Variants in CCDC40 observed in about 807,000 individuals in gnomAD.
CCDC40 encodes the protein coiled-coil domain-containing protein 40.
Under a neutral mutation model 124.5 loss-of-function variants are expected in CCDC40, and 104 were observed. The ratio of observed to expected loss-of-function variants is 0.84; its 90% confidence interval spans 0.71 to 0.98. The LOEUF (loss-of-function observed/expected upper bound fraction) is 0.98, where lower values mean the gene tolerates loss of function less well. Among genes scored for constraint, CCDC40 ranks in the 50% least tolerant of loss-of-function variants. CCDC40 has a pLI of 0.00. For synonymous variants in CCDC40, 580 were observed against 602.9 expected, an observed-to-expected ratio of 0.96 and a Z score of 0.56; for missense variants, 1,463 against 1,503.9, an observed-to-expected ratio of 0.97 and a Z score of 0.45.
Position 80,086,433 on chromosome 17 carries a change from T to G in CCDC40, c.2449+217T>G, listed in dbSNP as rs1276575720. 3.6e-6 allele frequency: 2 copies of G among 551,036 alleles called. No individual in the cohort carries two copies. Among genetic ancestry groups the G allele is most frequent in the Admixed American group, 6.0e-5 (2 of 33,506 alleles). 34.1% of individuals were successfully genotyped at this position (551,036 alleles called of 1,614,324 possible). On this transcript the variant is annotated intron_variant, in intron 14 of 19. Coordinates refer to ENST00000397545, the MANE Select transcript of CCDC40 (RefSeq NM_017950.4). The surrounding 1 kb of genome is among the most constrained non-coding windows in gnomAD (Gnocchi z 5.5). ...GTCACAGCGGGAGGGTTGAGAAATGTCACGAAATGGCTCCAAGCTCACGGA... is the reference window on the plus strand; with the variant it reads ...GTCACAGCGGGAGGGTTGAGAAATGGCACGAAATGGCTCCAAGCTCACGGA...
At position 80,095,321 on chromosome 17, in the gene CCDC40, C is replaced by T. The variant is rs752958200; in HGVS notation, c.2891C>T (p.Ala964Val). 1.2e-5 allele frequency: 20 copies of T among 1,613,936 alleles called. No homozygotes were observed. Among genetic ancestry groups the T allele is most frequent in the Admixed American group, 5.0e-5 (3 of 60,018 alleles). Residue 964 changes from alanine to valine, a missense_variant, in exon 18 of 20, where the codon GCG (alanine) becomes GTG (valine). Transcript: ENST00000397545. ...QEKMIRAMELAVARRETVTTQ... is the reference protein window; with the variant it reads ...QEKMIRAMELVVARRETVTTQ... ...AAGATGATCCGTGCCATGGAGTTGG[C>T]GGTTGCCCGCAGAGAGACCGTCACC...
chr17:80,044,598 C>T (rs1370033686), intron 3 of CCDC40, among the ~76,000 whole-genome samples: 3 of 151,744 alleles, frequency 2.0e-5, no homozygotes, highest in South Asian at 2.1e-4. Context: ...GCACAAGAAT[C>T]GCTTGAGCTT....
At chr17:80,056,006 A>ATTTTTT (rs1323101032) in intron 7 of CCDC40, among the ~76,000 whole-genome samples, 12 of 9,128 alleles carry the variant, frequency 1.3e-3, no homozygotes, top group East Asian at 4.0e-3. Flanking sequence ...ATATATATAT[A>ATTTTTT]TATATATATA....
rs1004775554 is a variant in CCDC40 at position 80,099,852 on chromosome 17, C to T, written c.*77C>T. The T allele has an allele frequency of 1.3e-6, 2 of 1,538,920 alleles. No homozygotes were observed. Among genetic ancestry groups the T allele is most frequent in the Admixed American group, 3.5e-5 (2 of 57,702 alleles). ...GTGTTTGTCATGAGGGACTTGGAAT[C>T]TTTTGTGTTCCTAAAAACCACATGT... On this transcript the variant is annotated 3_prime_UTR_variant, in exon 20 of 20. Coordinates refer to ENST00000397545, the MANE Select transcript of CCDC40 (RefSeq NM_017950.4).
Position 80,039,415 on chromosome 17 carries a change from G to T in CCDC40, c.94-397G>T, listed in dbSNP as rs186615513. ...ACAGATAAACTGAAGCATGAAACAT[G>T]ATTTTTTTTTTTTTTGAGACAGAGT... On this transcript the variant is annotated intron_variant, in intron 2 of 19. Transcript: ENST00000397545. Among the ~76,000 whole-genome samples, 500 of 139,794 alleles carry T rather than the reference G, an allele frequency of 3.6e-3. 3 individuals carry two copies. Among genetic ancestry groups the T allele is most frequent in the African/African-American group, 0.015 (482 of 31,716 alleles). 91.7% of individuals were successfully genotyped at this position (139,794 alleles called of 152,430 possible). A position where few individuals can be genotyped will look rare whatever the true frequency, so the allele number is the denominator to read the frequency against.
At chr17:80,049,803 C>A in intron 5 of CCDC40, 103 bp from the exon 6 acceptor site, 1 of 919,358 alleles carries the variant, frequency 1.1e-6, no homozygotes, top group Non-Finnish European at 1.8e-6. Context: ...CGGAAGTCGT[C>A]TCTGGCCCAC....
intron 10 of CCDC40, among the ~76,000 whole-genome samples, chr17:80,076,860 C>G (rs577561120): frequency 6.6e-6 from 1 of 151,924 alleles, no homozygotes; most frequent in Non-Finnish European, 1.5e-5. Flanking sequence ...ATTCTCCTAT[C>G]TCAGCCTCCT....
chr17:80,056,000 A>AT (rs1285051283), intron 7 of CCDC40, among the ~76,000 whole-genome samples: 13 of 7,570 alleles, frequency 1.7e-3, no homozygotes, highest in Non-Finnish European at 3.4e-3. Context: ...ATATATATAT[A>AT]TATATATATA....
chr17:80,071,793 G>A (rs1460325141), intron 10 of CCDC40, among the ~76,000 whole-genome samples: 1 of 151,324 alleles, frequency 6.6e-6, no homozygotes, highest in Non-Finnish European at 1.5e-5. Flanking sequence ...GGGGTGCCTG[G>A]CAGGAAATCT....
In CCDC40 at chr17:80,083,925, G is replaced by A. The variant is rs1430821307; in HGVS notation, c.1990-818G>A. Among the ~76,000 whole-genome samples, 5 of 152,328 alleles carry A rather than the reference G, an allele frequency of 3.3e-5. 1 individual carries two copies. The highest frequency in any genetic ancestry group is 4.1e-4 in the South Asian group (2 of 4,828). On this transcript the variant is annotated intron_variant, in intron 12 of 19. Coordinates refer to ENST00000397545, the MANE Select transcript of CCDC40 (RefSeq NM_017950.4). ...TACAGAGCACAGGAACATAAGACCC[G>A]ACTTACCAGATTAAAAAGCAGGTTA...
At chr17:80,092,989 G>C (rs1306469246) in intron 17 of CCDC40, among the ~76,000 whole-genome samples, 2 of 152,166 alleles carry the variant, frequency 1.3e-5, no homozygotes, top group East Asian at 3.8e-4. Flanking sequence ...GTCCACTGGA[G>C]TCAGCCCTGC....
rs1180362516 is a variant in CCDC40, at chr17:80,058,434, G to GA, written c.1160-59dup. The stretch of plus-strand genomic sequence containing the variant: ...CTTCCTCCTGGGTCTCTGCATGGGG[G>GA]ACGCTGGGACAGCCTCCCCACTCAC... On this transcript the variant is annotated intron_variant, in intron 7 of 19. Transcript: ENST00000397545. The surrounding 1 kb of genome is among the most constrained non-coding windows in gnomAD (Gnocchi z 4.2). The GA allele has an allele frequency of 1.2e-5, 18 of 1,530,952 alleles. No individual in the cohort carries two copies. The highest frequency in any genetic ancestry group is 1.4e-5 in the Non-Finnish European group (16 of 1,109,864). The allele number at this position is 1,530,952 out of a possible 1,614,324, so 94.8% of individuals were successfully genotyped here. A position where few individuals can be genotyped will look rare whatever the true frequency, so the allele number is the denominator to read the frequency against.
Position 80,087,951 on chromosome 17 carries a change from C to A in CCDC40, c.2620-60C>A. On this transcript the variant is annotated intron_variant, in intron 15 of 19. Coordinates refer to ENST00000397545, the MANE Select transcript of CCDC40 (RefSeq NM_017950.4). This position sits in a 1 kb window ranked among gnomAD's most constrained non-coding sequence, Gnocchi z 4.5. ...TCGGTGCCGGGATAGAGGGCACCAG[C>A]CCCGGCATCCACAATCCCATGGCCC... is the stretch of plus-strand genomic sequence containing the variant. 1 of 1,382,342 alleles carries A rather than the reference C, an allele frequency of 7.2e-7. No homozygotes were observed. Among genetic ancestry groups the A allele is most frequent in the Non-Finnish European group, 1.0e-6 (1 of 969,944 alleles). The allele number at this position is 1,382,342 out of a possible 1,614,324, so 85.6% of individuals were successfully genotyped here.
intron 2 of CCDC40, 118 bp downstream of exon 2, chr17:80,038,304 G>T: frequency 1.4e-6 from 1 of 689,942 alleles, no homozygotes; most frequent in Non-Finnish European, 2.7e-6. Context: ...GCCAAGGCAG[G>T]TGGATCACAT....
rs565709177 is a variant in CCDC40 at position 80,094,393 on chromosome 17, CAGA to C, written c.2833-867_2833-865del. Among the ~76,000 whole-genome samples the C allele has an allele frequency of 1.7e-4, 25 of 150,848 alleles. No homozygotes were observed. In the East Asian group the frequency reaches 4.7e-3, roughly 29 times the overall value. On this transcript the variant is annotated intron_variant, in intron 17 of 19. Coordinates refer to ENST00000397545, the MANE Select transcript of CCDC40 (RefSeq NM_017950.4). ...TGCCATCGCACTCCAGCCTGGGCAA[CAGA>C]AGGAGACTGTGTCTCAAAAAATTTT...
chr17:80,085,019 C>A (rs373135418), intron 13 of CCDC40, 31 bp downstream of exon 13: 1 of 1,610,470 alleles, frequency 6.2e-7, no homozygotes, highest in Admixed American at 1.7e-5. Flanking sequence ...ACGTGGTCCC[C>A]GGCTGACTGT....
At chr17:80,037,602 A>C (rs762142363) in intron 1 of CCDC40, among the ~76,000 whole-genome samples, 9 of 150,768 alleles carry the variant, frequency 6.0e-5, no homozygotes, top group Non-Finnish European at 1.0e-4. Context: ...AGGGAAGATC[A>C]CAGGGAACTG....
At chr17:80,048,312 C>T (rs916839827) in intron 4 of CCDC40, 8 of 495,668 alleles carry the variant, frequency 1.6e-5, no homozygotes, top group Non-Finnish European at 3.0e-5. Flanking sequence ...CCTTTCTGTT[C>T]ACTCTTTATG....
chr17:80,090,067 C>G (rs1598546408), intron 17 of CCDC40, 183 bp downstream of exon 17: 1 of 1,537,022 alleles, frequency 6.5e-7, no homozygotes, highest in Non-Finnish European at 8.7e-7. Context: ...GACCTGCACT[C>G]CAGCCGAGCA....
Sources: allele counts gnomAD v4.1 joint callset (sites outside exome capture counted in the v4.1 genomes callset), GRCh38; gene constraint gnomAD v4.1.1; non-coding constraint Gnocchi (gnomAD v3.1); transcripts MANE v1.5; gene names NCBI Gene and HGNC (gene_info 2026-07-23, HGNC 2026-07-21).